DYRK1A: variants seen among roughly 807,000 people sequenced by gnomAD.
DYRK1A encodes the protein dual specificity tyrosine-phosphorylation-regulated kinase 1A.
A neutral mutation model predicts 79.7 loss-of-function variants in DYRK1A; 9 were observed. The observed-to-expected ratio is 0.11, with a 90% CI of 0.07 to 0.20. DYRK1A has a LOEUF of 0.20. DYRK1A is among the 10% of genes least tolerant of loss of function. The pLI is 1.00. For missense variants in DYRK1A, 622 were observed against 956.0 expected, an observed-to-expected ratio of 0.65 and a Z score of 4.61; for synonymous variants, 349 against 329.7, an observed-to-expected ratio of 1.06 and a Z score of -0.63.
Position 37,423,912 on chromosome 21 carries a change from G to A in DYRK1A, c.10+3528G>A, listed in dbSNP as rs372691355. 4.9e-4 allele frequency among the ~76,000 whole-genome samples: 74 copies of A among 152,074 alleles called. 2 individuals are homozygous for A. The highest frequency in any genetic ancestry group is 3.4e-3 in the Middle Eastern group (1 of 294). Reference sequence around the variant, plus strand: ...AATTTAAGTACTTAAAACCGTTTGTGGCAGAGTTTTAATTTTGGATTCTCT... The same window carrying A: ...AATTTAAGTACTTAAAACCGTTTGTAGCAGAGTTTTAATTTTGGATTCTCT... On this transcript the variant is annotated intron_variant, in intron 2 of 11. Transcript: ENST00000647188.
intron 2 of DYRK1A, among the ~76,000 whole-genome samples, chr21:37,433,693 C>T (rs561651624): frequency 2.0e-5 from 3 of 152,272 alleles, no homozygotes; most frequent in Middle Eastern, 3.4e-3. Context: ...TAAGCCTTGA[C>T]TCGTAGTGTG....
chr21:37,498,113 A>T (rs928331115), intron 9 of DYRK1A, among the ~76,000 whole-genome samples: 3 of 152,096 alleles, frequency 2.0e-5, no homozygotes, highest in African/African-American at 7.2e-5. Flanking sequence ...TTTACTTTTA[A>T]TTTTTCATTT....
intron 2 of DYRK1A, among the ~76,000 whole-genome samples, chr21:37,467,944 A>T (rs918068905): frequency 3.3e-5 from 5 of 152,162 alleles, no homozygotes; most frequent in African/African-American, 1.2e-4. Flanking sequence ...ACATGTGGCT[A>T]TTTGCTACAT....
At chr21:37,420,909 CTT>C (rs2050458301) in intron 2 of DYRK1A, among the ~76,000 whole-genome samples, 1 of 151,984 alleles carries the variant, frequency 6.6e-6, no homozygotes, top group Non-Finnish European at 1.5e-5. Context: ...CCCTCTTATC[CTT>C]TTGTCATTTG....
intron 1 of DYRK1A, among the ~76,000 whole-genome samples, chr21:37,373,569 C>G (rs920306612): frequency 6.6e-6 from 1 of 152,210 alleles, no homozygotes; most frequent in Non-Finnish European, 1.5e-5. Context: ...GAGCTTGGTT[C>G]CTTCTGTCTT....
At position 37,478,196 on chromosome 21, in the gene DYRK1A, G is replaced by A. The variant is rs888322675; in HGVS notation, c.208-12G>A. ...TCTATTTAAGGTGATGCCTGATATT[G>A]TCATGTTACAGAGGCGGATGCCCCA... On this transcript the variant is annotated splice_polypyrimidine_tract_variant and intron_variant, in intron 3 of 11. Coordinates refer to ENST00000647188, the MANE Select transcript of DYRK1A (RefSeq NM_001347721.2). 3 of 1,614,038 alleles carry A rather than the reference G, an allele frequency of 1.9e-6. No homozygotes were observed. The South Asian group carries it at 3.3e-5, about 18-fold the overall frequency.
chr21:37,368,867 T>G (rs1476003134), intron 1 of DYRK1A, among the ~76,000 whole-genome samples: 1 of 152,190 alleles, frequency 6.6e-6, no homozygotes, highest in Non-Finnish European at 1.5e-5. Flanking sequence ...CCTAGAGATG[T>G]GTCCCCGTAA....
In DYRK1A at chr21:37,406,678, G is replaced by T. The variant is rs558964991; in HGVS notation, c.-76-13621G>T. The stretch of plus-strand genomic sequence containing the variant: ...GATCATGCCACAGCACTCCAGCCTG[G>T]GATACAGAGTGAGACTCTTGTCTCC... On this transcript the variant is annotated intron_variant, in intron 1 of 11. Transcript: ENST00000647188. 7.5e-4 allele frequency among the ~76,000 whole-genome samples: 114 copies of T among 151,300 alleles called. 1 individual carries two copies. The Middle Eastern group carries it at 0.017, about 23-fold the overall frequency.
At chr21:37,404,999 C>G (rs913541904) in intron 1 of DYRK1A, among the ~76,000 whole-genome samples, 4 of 152,108 alleles carry the variant, frequency 2.6e-5, no homozygotes, top group African/African-American at 7.2e-5. Flanking sequence ...TTTGCTCTTA[C>G]GGCATGTACA....
rs1183029117 is a variant in DYRK1A, at chr21:37,479,606, G to GT, written c.301-1027dup. 2.9e-3 allele frequency among the ~76,000 whole-genome samples: 80 copies of GT among 27,572 alleles called. 1 individual carries two copies. Among genetic ancestry groups the GT allele is most frequent in the South Asian group, 9.7e-3 (7 of 724 alleles). 18.1% of individuals were successfully genotyped at this position (27,572 alleles called of 152,430 possible). A position where few individuals can be genotyped will look rare whatever the true frequency, so the allele number is the denominator to read the frequency against. ...GTGTTGGTGTTTTGTTTTTGTTTTT[G>GT]TTTTTGTTTTTTGTTTTTTTTTTTT... On this transcript the variant is annotated intron_variant, in intron 4 of 11. Coordinates refer to ENST00000647188, the MANE Select transcript of DYRK1A (RefSeq NM_001347721.2).
At chr21:37,366,319 G>A (rs1391659312), upstream of DYRK1A, 1 of 145,098 alleles carries the variant, frequency 6.9e-6, no homozygotes, top group Non-Finnish European at 1.5e-5. Flanking sequence ...GGGGCTGCGG[G>A]CGCCGACGCG....
chr21:37,410,978 G>A (rs9981551), intron 1 of DYRK1A, among the ~76,000 whole-genome samples: 6,396 of 149,732 alleles, frequency 0.043, 182 homozygotes, highest in Middle Eastern at 0.095. Flanking sequence ...GAGCCTGAGA[G>A]GCGGAAGTTT....
At chr21:37,504,478 T>C (rs926082591) in intron 9 of DYRK1A, 4 of 152,188 alleles carry the variant, frequency 2.6e-5, no homozygotes, top group Admixed American at 1.3e-4. Flanking sequence ...CTCATACAGC[T>C]CTCTGATGGG....
rs564850128 is a variant in DYRK1A, at chr21:37,440,977, A to G, written c.10+20593A>G. On this transcript the variant is annotated intron_variant, in intron 2 of 11. Transcript: ENST00000647188. Reference sequence around the variant, plus strand: ...TATTGATTTTCTCTCCACTTGTTCTATCAAATATTGAGAGACGGATATTGA... The same window carrying G: ...TATTGATTTTCTCTCCACTTGTTCTGTCAAATATTGAGAGACGGATATTGA... Among the ~76,000 whole-genome samples the G allele has an allele frequency of 3.9e-5, 6 of 152,234 alleles. 1 individual carries two copies. In the South Asian group the frequency reaches 8.3e-4, roughly 21 times the overall value.
chr21:37,466,815 C>T (rs1233126614), intron 2 of DYRK1A, among the ~76,000 whole-genome samples: 1 of 151,622 alleles, frequency 6.6e-6, no homozygotes. Flanking sequence ...AAAAAAAATA[C>T]CTATATAAGA....
intron 8 of DYRK1A, among the ~76,000 whole-genome samples, chr21:37,494,476 C>T (rs774004488): frequency 6.6e-6 from 1 of 151,810 alleles, no homozygotes; most frequent in Non-Finnish European, 1.5e-5. Context: ...GCCCATAGCC[C>T]TTTGTATTTC....
rs2049324985 is a variant in DYRK1A at position 37,367,199 on chromosome 21, G to T, written c.-506G>T. Reference sequence around the variant, plus strand: ...GGCGGTTCGGGCTCTCCTGGCGGAGGAGCCGCCGCCGCCGCCCGGGCCCCG... The same window carrying T: ...GGCGGTTCGGGCTCTCCTGGCGGAGTAGCCGCCGCCGCCGCCCGGGCCCCG... On this transcript the variant is annotated 5_prime_UTR_variant, in exon 1 of 12. Transcript: ENST00000647188. The T allele has an allele frequency of 6.6e-6, 1 of 151,938 alleles. No homozygotes were observed. Among genetic ancestry groups the T allele is most frequent in the Non-Finnish European group, 1.5e-5 (1 of 67,980 alleles). The allele number at this position is 151,938 out of a possible 1,614,324, so 9.4% of individuals were successfully genotyped here. A position where few individuals can be genotyped will look rare whatever the true frequency, so the allele number is the denominator to read the frequency against.
At chr21:37,376,113 T>C (rs985344040) in intron 1 of DYRK1A, among the ~76,000 whole-genome samples, 6 of 152,108 alleles carry the variant, frequency 3.9e-5, no homozygotes, top group Non-Finnish European at 7.3e-5. Flanking sequence ...GAACAGCTGC[T>C]TAGTGCAGGT....
chr21:37,476,811 C>CA (rs2052408244), intron 3 of DYRK1A, among the ~76,000 whole-genome samples: 2 of 77,496 alleles, frequency 2.6e-5, no homozygotes, highest in African/African-American at 1.0e-4. Flanking sequence ...GTATAATCAC[C>CA]AAGGGTTCCC....
Sources: gnomAD v4.1 joint callset for allele counts (sites outside exome capture counted in the v4.1 genomes callset) on GRCh38, gnomAD v4.1.1 for gene constraint, MANE v1.5 for transcripts, NCBI Gene and HGNC (gene_info 2026-07-23, HGNC 2026-07-21) for gene names.